Variants in BMPER observed in about 807,000 individuals in gnomAD.
BMPER encodes the protein BMP-binding endothelial regulator protein.
In BMPER, 45 loss-of-function variants were observed where a neutral mutation model predicts 87.3. The ratio of observed to expected loss-of-function variants is 0.52; its 90% CI spans 0.41 to 0.66. The LOEUF (loss-of-function observed/expected upper bound fraction) is 0.66, where lower values mean the gene tolerates loss of function less well. BMPER is among the 30% of genes least tolerant of loss of function. The pLI is 0.00. For missense variants in BMPER, 784 were observed against 867.5 expected (o/e 0.90, Z 1.21); for synonymous variants, 326 against 316.2 (o/e 1.03, Z -0.33).
In BMPER at chr7:33,966,378, C is replaced by T. The variant is rs1255432270; in HGVS notation, c.320-101C>T. 10 of 1,018,590 alleles carry T rather than the reference C, an allele frequency of 9.8e-6. No individual in the cohort carries two copies. In the East Asian group the frequency reaches 1.5e-4, roughly 15 times the overall value. 63.1% of individuals were successfully genotyped at this position (1,018,590 alleles called of 1,614,324 possible). A position where few individuals can be genotyped will look rare whatever the true frequency, so the allele number is the denominator to read the frequency against. ...AAGAGCATGGTGGTTCCTTTGATCGCTAATCTGGGCTTAGAGAACATAACT... is the reference window on the plus strand; with the variant it reads ...AAGAGCATGGTGGTTCCTTTGATCGTTAATCTGGGCTTAGAGAACATAACT... On this transcript the variant is annotated intron_variant, in intron 3 of 14. Transcript: ENST00000649409.
At chr7:34,067,132 T>G (rs1304667014) in intron 11 of BMPER, 1 of 152,190 alleles carries the variant, frequency 6.6e-6, no homozygotes, top group Non-Finnish European at 1.5e-5. Flanking sequence ...ACAGGAAATA[T>G]CAAATTTCAG....
At chr7:33,905,303 C>T (rs574779300), upstream of BMPER, among the ~76,000 whole-genome samples, 1 of 151,954 alleles carries the variant, frequency 6.6e-6, no homozygotes, top group Middle Eastern at 3.4e-3. Flanking sequence ...TTCCTCCTGG[C>T]CCCCTCTCCG....
chr7:33,987,883 G>A (rs778596279), intron 6 of BMPER, among the ~76,000 whole-genome samples: 2 of 152,140 alleles, frequency 1.3e-5, no homozygotes, highest in Admixed American at 1.3e-4. Flanking sequence ...GTTTATCCAT[G>A]CCATTCTCTT....
intron 2 of BMPER, among the ~76,000 whole-genome samples, chr7:33,917,223 T>G (rs546492817): frequency 1.2e-4 from 18 of 152,250 alleles, no homozygotes; most frequent in African/African-American, 4.1e-4. Context: ...CTCCAGTCAT[T>G]TCCAGCCCCT....
intron 6 of BMPER, among the ~76,000 whole-genome samples, chr7:34,037,830 T>C (rs2127954086): frequency 1.3e-5 from 2 of 152,228 alleles, no homozygotes; most frequent in Admixed American, 1.3e-4. Flanking sequence ...TAACTAGACA[T>C]GGGTGCAGGA....
At position 34,061,833 on chromosome 7, in the gene BMPER, C is replaced by T. The variant is rs527639736; in HGVS notation, c.1033-169C>T. Among the ~76,000 whole-genome samples the T allele has an allele frequency of 2.0e-5, 3 of 152,316 alleles. No individual in the cohort carries two copies. In the South Asian group the frequency reaches 6.2e-4, roughly 32 times the overall value. On this transcript the variant is annotated intron_variant, in intron 10 of 14. Coordinates refer to ENST00000649409, the MANE Select transcript of BMPER (RefSeq NM_001365308.1). ...TGGCCTTAGAACCTGATACTTGAAA[C>T]TTCATTTTCACCATCTTCATCACCA...
intron 13 of BMPER, among the ~76,000 whole-genome samples, chr7:34,115,872 A>G (rs74859134): frequency 0.023 from 3,499 of 152,280 alleles, 123 homozygotes; most frequent in African/African-American, 0.078. Context: ...GCTGGGTTGT[A>G]TGGTTATTCC....
chr7:34,152,233 G>A (rs912554516), intron 14 of BMPER, among the ~76,000 whole-genome samples: 2 of 152,108 alleles, frequency 1.3e-5, no homozygotes, highest in African/African-American at 4.8e-5. Flanking sequence ...ATTGTTATTG[G>A]TGTTCTTGGA....
intron 9 of BMPER, among the ~76,000 whole-genome samples, chr7:34,056,638 G>C (rs1319117600): frequency 3.0e-5 from 4 of 135,358 alleles, no homozygotes; most frequent in Non-Finnish European, 4.7e-5. Flanking sequence ...TTTTTTTTTA[G>C]ATGGAGTCTC....
At chr7:33,985,447 A>G (rs1466724732) in intron 6 of BMPER, among the ~76,000 whole-genome samples, 1 of 152,184 alleles carries the variant, frequency 6.6e-6, no homozygotes, top group Non-Finnish European at 1.5e-5. Flanking sequence ...ACTATTTTGA[A>G]TAATGTGACA....
chr7:34,109,692 C>T (rs1789912212), intron 13 of BMPER, among the ~76,000 whole-genome samples: 1 of 152,194 alleles, frequency 6.6e-6, no homozygotes, highest in African/African-American at 2.4e-5. Flanking sequence ...CAAAGATGAA[C>T]TAATTATGAT....
chr7:34,010,961 G>A (rs1585734487), intron 6 of BMPER, among the ~76,000 whole-genome samples: 1 of 151,962 alleles, frequency 6.6e-6, no homozygotes, highest in Non-Finnish European at 1.5e-5. Context: ...TTTTTAATTT[G>A]TGAGATTTGT....
intron 4 of BMPER, among the ~76,000 whole-genome samples, chr7:33,967,260 G>T (rs1233400784): frequency 1.3e-5 from 2 of 152,116 alleles, no homozygotes; most frequent in African/African-American, 4.8e-5. Context: ...ATCTAATTTT[G>T]ACAAAACTTA....
chr7:34,086,362 C>G (rs1289295838), intron 13 of BMPER, among the ~76,000 whole-genome samples: 2 of 152,190 alleles, frequency 1.3e-5, no homozygotes, highest in Admixed American at 1.3e-4. Flanking sequence ...GCTGGCTACA[C>G]TGCAGGGTTT....
rs183677956 is a variant in BMPER at position 33,976,036 on chromosome 7, A to G, written c.576+1252A>G. On this transcript the variant is annotated intron_variant, in intron 6 of 14. Coordinates refer to ENST00000649409, the MANE Select transcript of BMPER (RefSeq NM_001365308.1). The stretch of plus-strand genomic sequence containing the variant: ...TATACATAATATACATCAGGTATAT[A>G]ATAATATATAAAAAACACAAAGTAA... 5.6e-3 allele frequency among the ~76,000 whole-genome samples: 856 copies of G among 152,302 alleles called. 5 individuals carry two copies. Among genetic ancestry groups the G allele is most frequent in the African/African-American group, 0.02 (818 of 41,558 alleles).
intron 13 of BMPER, among the ~76,000 whole-genome samples, chr7:34,136,541 A>G (rs1200681889): frequency 1.3e-5 from 2 of 151,822 alleles, no homozygotes; most frequent in African/African-American, 4.8e-5. Context: ...CTCAGCTAGG[A>G]CTCTGTCTTC....
At chr7:33,971,860 A>G (rs1446336714) in intron 5 of BMPER, among the ~76,000 whole-genome samples, 1 of 152,178 alleles carries the variant, frequency 6.6e-6, no homozygotes. Flanking sequence ...TAGCTCTTAA[A>G]TATGAGTTCA....
intron 3 of BMPER, among the ~76,000 whole-genome samples, chr7:33,951,673 C>T (rs907499765): frequency 6.6e-6 from 1 of 152,102 alleles, no homozygotes; most frequent in Non-Finnish European, 1.5e-5. Flanking sequence ...AGACTGGCTG[C>T]CCCCTGAATA....
intron 11 of BMPER, among the ~76,000 whole-genome samples, chr7:34,065,046 G>A (rs1162713097): frequency 6.6e-6 from 1 of 152,088 alleles, no homozygotes; most frequent in African/African-American, 2.4e-5. Flanking sequence ...AATTATGAAA[G>A]CTCTCTTAAT....
Sources: allele counts gnomAD v4.1 joint callset (sites outside exome capture counted in the v4.1 genomes callset), GRCh38; gene constraint gnomAD v4.1.1; transcripts MANE v1.5; gene names NCBI Gene and HGNC (gene_info 2026-07-23, HGNC 2026-07-21).